The following L3MBTL4 variants were observed in gnomAD, a reference collection of about 807,000 sequenced individuals.
L3MBTL4 encodes the protein L3MBTL histone methyl-lysine binding protein 4.
A neutral mutation model predicts 84.5 loss-of-function variants in L3MBTL4; 70 were observed. The observed-to-expected ratio is 0.83, with a 90% CI of 0.68 to 1.01. The LOEUF is 1.01. Among genes scored for constraint, L3MBTL4 ranks in the 50% least tolerant of loss-of-function variants. The pLI is 0.00. For synonymous variants in L3MBTL4, 274 were observed against 259.8 expected (o/e 1.05, Z -0.52); for missense variants, 715 against 754.8 (o/e 0.95, Z 0.62).
At chr18:6,268,581 C>T (rs2048735067) in intron 4 of L3MBTL4, among the ~76,000 whole-genome samples, 1 of 152,148 alleles carries the variant, frequency 6.6e-6, no homozygotes, top group African/African-American at 2.4e-5. Context: ...ATTTTTTCTG[C>T]TGTTTTCTCA....
chr18:6,057,706 C>T (rs1440952988), intron 16 of L3MBTL4, among the ~76,000 whole-genome samples: 3 of 151,926 alleles, frequency 2.0e-5, no homozygotes, highest in Non-Finnish European at 2.9e-5. Flanking sequence ...AAATAATGAA[C>T]GAGGGAGAAC....
chr18:6,011,165 C>T (rs1295254768), intron 16 of L3MBTL4, among the ~76,000 whole-genome samples: 1 of 152,134 alleles, frequency 6.6e-6, no homozygotes, highest in African/African-American at 2.4e-5. Context: ...AGCACATCAC[C>T]AGTAAGAAAT....
intron 1 of L3MBTL4, among the ~76,000 whole-genome samples, chr18:6,398,360 G>C (rs920951094): frequency 6.6e-6 from 1 of 152,266 alleles, no homozygotes; most frequent in African/African-American, 2.4e-5. Flanking sequence ...AAAGAATGCT[G>C]GACAGCACCC....
intron 13 of L3MBTL4, among the ~76,000 whole-genome samples, chr18:6,168,636 G>GA (rs2043805163): frequency 6.6e-6 from 1 of 152,108 alleles, no homozygotes; most frequent in African/African-American, 2.4e-5. Flanking sequence ...GTAGAAAGCT[G>GA]AAACTGGATC....
At chr18:6,215,243 A>T (rs1568327304) in intron 11 of L3MBTL4, among the ~76,000 whole-genome samples, 2 of 152,238 alleles carry the variant, frequency 1.3e-5, no homozygotes, top group Non-Finnish European at 2.9e-5. Context: ...TTAGAAATTA[A>T]TTTATACTTA....
intron 1 of L3MBTL4, among the ~76,000 whole-genome samples, chr18:6,361,015 C>G (rs1314833974): frequency 7.4e-6 from 1 of 135,874 alleles, no homozygotes. Flanking sequence ...AAGACTCTAC[C>G]TGATTAAAAA....
At chr18:6,294,660 T>A (rs537901002) in intron 4 of L3MBTL4, among the ~76,000 whole-genome samples, 1 of 152,262 alleles carries the variant, frequency 6.6e-6, no homozygotes, top group African/African-American at 2.4e-5. Context: ...GCTTCCCAAA[T>A]GTCTCCACTA....
chr18:6,005,159 C>T (rs1015530446), intron 16 of L3MBTL4, among the ~76,000 whole-genome samples: 4 of 151,666 alleles, frequency 2.6e-5, no homozygotes, highest in African/African-American at 9.7e-5. Context: ...GCCTGGCCAA[C>T]ATGGTGAAAC....
chr18:6,162,695 G>C (rs894386251), intron 13 of L3MBTL4, among the ~76,000 whole-genome samples: 7 of 152,166 alleles, frequency 4.6e-5, no homozygotes, highest in Non-Finnish European at 1.0e-4. Flanking sequence ...CAGTAAAAGG[G>C]TGGTACATGT....
At chr18:6,266,180 C>T (rs1381940777) in intron 4 of L3MBTL4, among the ~76,000 whole-genome samples, 1 of 152,138 alleles carries the variant, frequency 6.6e-6, no homozygotes, top group African/African-American at 2.4e-5. Flanking sequence ...TATACAGCAA[C>T]TTCTATGTGC....
intron 16 of L3MBTL4, among the ~76,000 whole-genome samples, chr18:6,077,431 T>C (rs2057893950): frequency 6.6e-6 from 1 of 152,194 alleles, no homozygotes; most frequent in South Asian, 2.1e-4. Context: ...TTATATATTA[T>C]TGCGATATAT....
intron 12 of L3MBTL4, among the ~76,000 whole-genome samples, chr18:6,204,952 C>G (rs906612956): frequency 6.6e-6 from 1 of 152,250 alleles, no homozygotes; most frequent in African/African-American, 2.4e-5. Flanking sequence ...ATCTCTTCTA[C>G]TCCTTTTTAC....
intron 16 of L3MBTL4, among the ~76,000 whole-genome samples, chr18:6,015,881 A>C (rs1437979050): frequency 6.6e-6 from 1 of 152,192 alleles, no homozygotes; most frequent in East Asian, 1.9e-4. Context: ...AATCGCTTGA[A>C]TCCGGGACGC....
At chr18:6,068,328 GA>G (rs2057464423) in intron 16 of L3MBTL4, among the ~76,000 whole-genome samples, 2 of 152,172 alleles carry the variant, frequency 1.3e-5, no homozygotes, top group African/African-American at 4.8e-5. Context: ...GGTAGCTAAA[GA>G]GATGCATAGA....
At chr18:5,972,798 T>C (rs1157585225) in intron 16 of L3MBTL4, among the ~76,000 whole-genome samples, 1 of 151,978 alleles carries the variant, frequency 6.6e-6, no homozygotes. Context: ...ACTTAATTTC[T>C]ACATATCAAG....
chr18:6,225,544 G>A (rs1374041170), intron 10 of L3MBTL4, among the ~76,000 whole-genome samples: 1 of 152,146 alleles, frequency 6.6e-6, no homozygotes, highest in Non-Finnish European at 1.5e-5. Context: ...TGGATAGGTT[G>A]AGCTCAGGTG....
chr18:6,332,539 A>G (rs555588699), intron 1 of L3MBTL4, among the ~76,000 whole-genome samples: 1 of 152,320 alleles, frequency 6.6e-6, no homozygotes, highest in South Asian at 2.1e-4. Context: ...TAACCTAACC[A>G]AAACCAAAGA....
chr18:6,049,843 T>C (rs1445204305), intron 16 of L3MBTL4, among the ~76,000 whole-genome samples: 1 of 152,238 alleles, frequency 6.6e-6, no homozygotes, highest in Non-Finnish European at 1.5e-5. Flanking sequence ...ATAACAAACC[T>C]GTACATGTAA....
chr18:6,362,865 T>C (rs1038703392), intron 1 of L3MBTL4, among the ~76,000 whole-genome samples: 6 of 152,240 alleles, frequency 3.9e-5, no homozygotes, highest in African/African-American at 1.2e-4. Flanking sequence ...TCCCAGGCTG[T>C]ACTGGGTTTT....
Sources: allele counts gnomAD v4.1 joint callset (sites outside exome capture counted in the v4.1 genomes callset), GRCh38; gene constraint gnomAD v4.1.1; transcripts MANE v1.5; gene names NCBI Gene and HGNC (gene_info 2026-07-23, HGNC 2026-07-21).